PCLO: variants seen among roughly 807,000 people sequenced by gnomAD.
PCLO encodes protein piccolo.
In PCLO, 82 loss-of-function variants were observed where a neutral mutation model predicts 427.5. The ratio of observed to expected loss-of-function variants is 0.19; its 90% CI spans 0.16 to 0.23. PCLO has a LOEUF of 0.23. PCLO is among the 10% of genes least tolerant of loss of function. The pLI is 1.00. For missense variants in PCLO, 6,239 were observed against 6,115.9 expected (o/e 1.02, Z -0.67); for synonymous variants, 2,357 against 2,155.4 (o/e 1.09, Z -2.59).
intron 3 of PCLO, among the ~76,000 whole-genome samples, chr7:83,042,637 GATGATCTGAGGTCAGGAGTT>G (rs1473793089): frequency 6.6e-6 from 1 of 152,108 alleles, no homozygotes; most frequent in East Asian, 1.9e-4. Context: ...GAGGTGGGTG[GATGATCTGAGGTCAGGAGTT>G]CGACACCAGC....
At chr7:82,833,286 A>G (rs145285554) in intron 16 of PCLO, among the ~76,000 whole-genome samples, 2 of 152,222 alleles carry the variant, frequency 1.3e-5, no homozygotes, top group Non-Finnish European at 2.9e-5. Context: ...AATTATATTC[A>G]TAACAAAATC....
At chr7:82,912,050 CTT>C (rs1363682111) in intron 7 of PCLO, among the ~76,000 whole-genome samples, 1 of 152,098 alleles carries the variant, frequency 6.6e-6, no homozygotes, top group Non-Finnish European at 1.5e-5. Context: ...TAATGACTGT[CTT>C]ATATCCTATC....
At chr7:82,939,672 G>GAGAT (rs1301249050) in intron 6 of PCLO, among the ~76,000 whole-genome samples, 1 of 146,854 alleles carries the variant, frequency 6.8e-6, no homozygotes, top group East Asian at 2.0e-4. Context: ...GAGAGAGAGA[G>GAGAT]AAATAGATAT....
Position 82,952,379 on chromosome 7 carries a change from A to T in PCLO, c.8574T>A (p.Gly2858=). Residue 2858 remains glycine, a synonymous_variant, in exon 5 of 25, where the codon GGT becomes GGA. Transcript: ENST00000333891. ...CCAATGTCACTGCATGTGCTGGAGT[A>T]CCTAGAGATAAGTTTATTGGTGCTT... The part of the protein sequence containing the change: ...REEAPINLSL[G]TPAHAVTLAI... 3.1e-6 allele frequency: 5 copies of T among 1,613,904 alleles called. No individual in the cohort carries two copies. The highest frequency in any genetic ancestry group is 4.2e-6 in the Non-Finnish European group (5 of 1,179,830).
intron 10 of PCLO, among the ~76,000 whole-genome samples, chr7:82,867,229 T>G (rs1461033993): frequency 6.6e-6 from 1 of 152,192 alleles, no homozygotes; most frequent in Non-Finnish European, 1.5e-5. Context: ...GCAACACTCC[T>G]GTCTCTACAA....
intron 2 of PCLO, among the ~76,000 whole-genome samples, chr7:83,154,354 CA>C (rs1792211765): frequency 6.6e-6 from 1 of 152,078 alleles, no homozygotes; most frequent in Admixed American, 6.6e-5. Context: ...AAACATTGTC[CA>C]CTTTTTTTCT....
intron 3 of PCLO, among the ~76,000 whole-genome samples, chr7:83,093,490 A>ATTTTTTTTT (rs1339244676): frequency 4.5e-5 from 3 of 66,004 alleles, no homozygotes; most frequent in Admixed American, 2.2e-4. Flanking sequence ...ATATATATAT[A>ATTTTTTTTT]TATTTTTTTT....
intron 3 of PCLO, among the ~76,000 whole-genome samples, chr7:82,978,177 G>A (rs1437478760): frequency 6.8e-6 from 1 of 146,628 alleles, no homozygotes. Flanking sequence ...CACCCCCCCG[G>A]CAAAAACTCT....
chr7:82,925,209 T>C (rs1194403889), intron 6 of PCLO, among the ~76,000 whole-genome samples: 2 of 152,224 alleles, frequency 1.3e-5, no homozygotes, highest in East Asian at 3.8e-4. Context: ...AAGAGCTATT[T>C]ATGCCTCTTA....
intron 22 of PCLO, among the ~76,000 whole-genome samples, chr7:82,783,983 T>C (rs900426177): frequency 1.3e-5 from 2 of 151,956 alleles, no homozygotes; most frequent in African/African-American, 4.8e-5. Flanking sequence ...CCGGAAGAAA[T>C]AGGCAAATTC....
intron 2 of PCLO, among the ~76,000 whole-genome samples, chr7:83,152,175 A>G (rs904990895): frequency 2.0e-5 from 3 of 151,770 alleles, no homozygotes; most frequent in East Asian, 2.0e-4. Context: ...TGTGTTAGCC[A>G]GGATGGTCTC....
intron 7 of PCLO, among the ~76,000 whole-genome samples, chr7:82,914,000 T>C (rs1794384327): frequency 6.6e-6 from 1 of 152,100 alleles, no homozygotes; most frequent in South Asian, 2.1e-4. Flanking sequence ...ACTAGTACAA[T>C]TCTTTATTTT....
At chr7:82,998,112 CCTT>C in intron 3 of PCLO, among the ~76,000 whole-genome samples, 1 of 152,050 alleles carries the variant, frequency 6.6e-6, no homozygotes, top group Admixed American at 6.6e-5. Flanking sequence ...AGAAGCAAAA[CCTT>C]CTACGGAAAC....
chr7:82,850,776 C>T (rs2522844), intron 10 of PCLO, among the ~76,000 whole-genome samples: 59,255 of 151,914 alleles, frequency 0.39, 12,692 homozygotes, highest in East Asian at 0.7. Context: ...ATCACCTTTG[C>T]TTATGTCTAA....
At chr7:83,051,175 C>T (rs1389418340) in intron 3 of PCLO, among the ~76,000 whole-genome samples, 1 of 152,012 alleles carries the variant, frequency 6.6e-6, no homozygotes, top group Non-Finnish European at 1.5e-5. Context: ...TTTCACCTCT[C>T]ATCACACCTA....
chr7:83,088,830 C>T (rs1192215270), intron 3 of PCLO, among the ~76,000 whole-genome samples: 2 of 152,142 alleles, frequency 1.3e-5, no homozygotes, highest in South Asian at 2.1e-4. Flanking sequence ...CCTCCTGAGG[C>T]CTCTCCTTAC....
chr7:82,906,811 A>G (rs577957467), intron 8 of PCLO, among the ~76,000 whole-genome samples: 6 of 151,976 alleles, frequency 3.9e-5, no homozygotes, highest in Non-Finnish European at 7.4e-5. Context: ...TTTGTATGTT[A>G]GATGTGAAAA....
At chr7:83,120,172 G>A (rs1791239302) in intron 3 of PCLO, among the ~76,000 whole-genome samples, 1 of 151,906 alleles carries the variant, frequency 6.6e-6, no homozygotes, top group East Asian at 1.9e-4. Context: ...GGAGGCCAAG[G>A]TGGCAGATCT....
chr7:83,130,349 A>G (rs1157309823), intron 3 of PCLO, among the ~76,000 whole-genome samples: 1 of 151,958 alleles, frequency 6.6e-6, no homozygotes, highest in Non-Finnish European at 1.5e-5. Flanking sequence ...CGGCTTTCTC[A>G]TATTTCTAGT....
Sources: allele counts gnomAD v4.1 joint callset (sites outside exome capture counted in the v4.1 genomes callset), GRCh38; gene constraint gnomAD v4.1.1; transcripts MANE v1.5; gene names NCBI Gene and HGNC (gene_info 2026-07-23, HGNC 2026-07-21).